Variants in SAMMSON observed in about 807,000 individuals in gnomAD.
The protein encoded by SAMMSON is long intergenic non-protein coding RNA 1212.
chr3:70,082,301 G>A (rs1287233373), intron 4 of SAMMSON, among the ~76,000 whole-genome samples: 6 of 152,126 alleles, frequency 3.9e-5, no homozygotes, highest in Non-Finnish European at 8.8e-5. Flanking sequence ...AAATAATGTC[G>A]ATATAATTGT....
chr3:70,241,479 G>A (rs1197661958), intron 4 of SAMMSON, among the ~76,000 whole-genome samples: 1 of 152,150 alleles, frequency 6.6e-6, no homozygotes, highest in Non-Finnish European at 1.5e-5. Context: ...GGGCTAAAAT[G>A]TAATGGGAGG....
chr3:70,162,129 T>G (rs907236177), intron 4 of SAMMSON, among the ~76,000 whole-genome samples: 3 of 151,798 alleles, frequency 2.0e-5, no homozygotes, highest in African/African-American at 7.2e-5. Flanking sequence ...TGTTTTCTAA[T>G]TCAATGGTTT....
At chr3:70,124,314 T>G (rs570138023) in intron 4 of SAMMSON, among the ~76,000 whole-genome samples, 2 of 152,312 alleles carry the variant, frequency 1.3e-5, no homozygotes, top group African/African-American at 4.8e-5. Context: ...AACTACTGAA[T>G]GAACTAATGA....
chr3:70,304,001 T>A (rs536329621), intron 7 of SAMMSON, among the ~76,000 whole-genome samples: 11 of 152,164 alleles, frequency 7.2e-5, no homozygotes, highest in Non-Finnish European at 1.5e-4. Flanking sequence ...CTTTAGAGAA[T>A]AAAATGTAGT....
intron 1 of SAMMSON, among the ~76,000 whole-genome samples, chr3:70,002,026 G>A (rs1486307464): frequency 6.6e-6 from 1 of 152,114 alleles, no homozygotes. Flanking sequence ...GTATATCAGA[G>A]TATAGAGACC....
At chr3:70,139,809 G>T (rs1162064051) in intron 4 of SAMMSON, among the ~76,000 whole-genome samples, 1 of 152,102 alleles carries the variant, frequency 6.6e-6, no homozygotes, top group Non-Finnish European at 1.5e-5. Flanking sequence ...GGACAATAGA[G>T]TGTGCAATAC....
At chr3:70,134,674 T>G (rs1033576689) in intron 4 of SAMMSON, among the ~76,000 whole-genome samples, 4 of 149,782 alleles carry the variant, frequency 2.7e-5, no homozygotes, top group Non-Finnish European at 5.9e-5. Flanking sequence ...TAGAAAAACA[T>G]TTTTATGACA....
intron 3 of SAMMSON, among the ~76,000 whole-genome samples, chr3:70,017,410 T>G (rs1228070788): frequency 6.6e-6 from 1 of 152,098 alleles, no homozygotes; most frequent in Non-Finnish European, 1.5e-5. Flanking sequence ...ATAAGAATGC[T>G]TGTGATTTTT....
intron 9 of SAMMSON, among the ~76,000 whole-genome samples, chr3:70,375,016 A>G (rs534874070): frequency 5.3e-5 from 8 of 152,260 alleles, no homozygotes; most frequent in Admixed American, 2.0e-4. Context: ...CATGGAACTC[A>G]CAGGGCCCGT....
chr3:70,253,620 G>C (rs1418218702), intron 6 of SAMMSON, among the ~76,000 whole-genome samples: 1 of 152,180 alleles, frequency 6.6e-6, no homozygotes, highest in Non-Finnish European at 1.5e-5. Flanking sequence ...CTAGTCAAGA[G>C]GCTAAGGCAG....
chr3:70,140,302 C>A, intron 4 of SAMMSON: 1 of 214,884 alleles, frequency 4.7e-6, no homozygotes, highest in South Asian at 9.4e-5. Flanking sequence ...TTACTGGATC[C>A]CCCAACAACA....
Position 70,016,614 on chromosome 3 carries a change from G to T in SAMMSON, n.417+2942G>T, listed in dbSNP as rs9713916. On this transcript the variant is annotated intron_variant and non_coding_transcript_variant, in intron 3 of 9. Coordinates refer to ENST00000642114, the Ensembl canonical transcript of SAMMSON. ...AATTAGATCCCATTTGTCAATTTTGGCTTTTGTTGCCATTGCTTTTGGTGT... is the reference window on the plus strand; with the variant it reads ...AATTAGATCCCATTTGTCAATTTTGTCTTTTGTTGCCATTGCTTTTGGTGT... Among the ~76,000 whole-genome samples the T allele has an allele frequency of 9.7e-3, 1,473 of 152,118 alleles. 56 individuals are homozygous for T. Among genetic ancestry groups the T allele is most frequent in the East Asian group, 0.062 (320 of 5,172 alleles).
chr3:70,397,975 T>C (rs1463885869), intron 2 of SAMMSON, among the ~76,000 whole-genome samples: 1 of 152,244 alleles, frequency 6.6e-6, no homozygotes, highest in African/African-American at 2.4e-5. Flanking sequence ...TTTTCATTTA[T>C]AGTAGTTATG....
chr3:70,024,102 A>T (rs752291048), intron 3 of SAMMSON, among the ~76,000 whole-genome samples: 1 of 151,940 alleles, frequency 6.6e-6, no homozygotes, highest in Admixed American at 6.6e-5. Flanking sequence ...CTGGGATTGC[A>T]CTCTCATTAT....
In SAMMSON at chr3:70,414,476, C is replaced by G. The variant is rs1015829775; in HGVS notation, n.234-48084C>G. Among the ~76,000 whole-genome samples, 4 of 152,104 alleles carry G rather than the reference C, an allele frequency of 2.6e-5. No individual in the cohort carries two copies. The East Asian group carries it at 7.7e-4, about 29-fold the overall frequency. On this transcript the variant is annotated intron_variant and non_coding_transcript_variant, in intron 2 of 3. Transcript: ENST00000641053. ...GCATCCCCTGCAAAGGTGGCTATACCTGCACTTAGTAAGACTGTCACTTAC... is the reference window on the plus strand; with the variant it reads ...GCATCCCCTGCAAAGGTGGCTATACGTGCACTTAGTAAGACTGTCACTTAC...
intron 6 of SAMMSON, among the ~76,000 whole-genome samples, chr3:70,264,851 G>A (rs1701901112): frequency 6.6e-6 from 1 of 152,152 alleles, no homozygotes; most frequent in Non-Finnish European, 1.5e-5. Flanking sequence ...TTCTCACACT[G>A]CTAATAAAGA....
chr3:70,137,537 G>A (rs1316209926), intron 4 of SAMMSON: 3 of 152,146 alleles, frequency 2.0e-5, no homozygotes, highest in Middle Eastern at 3.4e-3. Flanking sequence ...CAACTCACTC[G>A]AGTAGTTGCA....
At chr3:70,304,546 G>A (rs1459975208) in intron 7 of SAMMSON, among the ~76,000 whole-genome samples, 1 of 151,970 alleles carries the variant, frequency 6.6e-6, no homozygotes, top group African/African-American at 2.4e-5. Context: ...CTAAAGCCGG[G>A]GGTCAGCCTT....
intron 4 of SAMMSON, among the ~76,000 whole-genome samples, chr3:70,154,687 G>C (rs2067585124): frequency 6.6e-6 from 1 of 152,054 alleles, no homozygotes; most frequent in Non-Finnish European, 1.5e-5. Context: ...CTTTGATTTA[G>C]TTAGCAATGG....
Sources: gnomAD v4.1 joint callset for allele counts (sites outside exome capture counted in the v4.1 genomes callset) on GRCh38, gnomAD v4.1.1 for gene constraint, MANE v1.5 for transcripts, NCBI Gene and HGNC (gene_info 2026-07-23, HGNC 2026-07-21) for gene names.